Variants in NSUN6 observed in about 807,000 individuals in gnomAD.
NSUN6 encodes tRNA (cytosine(72)-C(5))-methyltransferase NSUN6.
In NSUN6, 64 loss-of-function variants were observed where a neutral mutation model predicts 58.0. That is an observed-to-expected ratio of 1.10 (90% CI 0.90 to 1.36). The LOEUF is 1.36. NSUN6 is among the 40% of genes most tolerant of loss of function. The pLI is 0.00. For synonymous variants in NSUN6, 231 were observed against 193.9 expected, an observed-to-expected ratio of 1.19 and a Z score of -1.59; for missense variants, 701 against 550.1, an observed-to-expected ratio of 1.27 and a Z score of -2.74.
chr10:18,559,850 G>C (rs1041213121), intron 8 of NSUN6, among the ~76,000 whole-genome samples: 13 of 151,006 alleles, frequency 8.6e-5, no homozygotes, highest in African/African-American at 2.7e-4. Flanking sequence ...ATGGGGAATG[G>C]AATGCAGTGG....
intron 6 of NSUN6, among the ~76,000 whole-genome samples, chr10:18,597,378 C>T (rs1240692179): frequency 6.6e-6 from 1 of 152,166 alleles, no homozygotes; most frequent in Non-Finnish European, 1.5e-5. Flanking sequence ...AAGCTGGGTT[C>T]AAATTTGGGA....
rs1331584664 is a variant in NSUN6, at chr10:18,555,018, GGAA to G, written c.923-3050_923-3048del. Among the ~76,000 whole-genome samples the G allele has an allele frequency of 8.4e-5, 8 of 95,312 alleles. No individual in the cohort carries two copies. In the East Asian group the frequency reaches 2.3e-3, roughly 28 times the overall value. 62.5% of individuals were successfully genotyped at this position (95,312 alleles called of 152,430 possible). ...AATGGAGAATAGAATGGAATGCAGT[GGAA>G]TGGAGAGTGGAATGGAGAATGGAAT... On this transcript the variant is annotated intron_variant, in intron 8 of 10. Coordinates refer to ENST00000377304, the MANE Select transcript of NSUN6 (RefSeq NM_182543.5).
chr10:18,585,438 G>A (rs944964288), intron 8 of NSUN6, among the ~76,000 whole-genome samples: 1 of 152,050 alleles, frequency 6.6e-6, no homozygotes, highest in African/African-American at 2.4e-5. Flanking sequence ...AGAAAATGTG[G>A]TACATACACA....
At position 18,563,380 on chromosome 10, in the gene NSUN6, G is replaced by A. The variant is rs556892764; in HGVS notation, c.923-11409C>T. On this transcript the variant is annotated intron_variant, in intron 8 of 10. Coordinates refer to ENST00000377304, the MANE Select transcript of NSUN6 (RefSeq NM_182543.5). ...ACTAGAATGGAGAATGGAATGGAAC[G>A]GAGAATGGTATGGAACTGAGAATGG... Among the ~76,000 whole-genome samples the A allele has an allele frequency of 4.7e-4, 71 of 151,172 alleles. 1 individual carries two copies. In the South Asian group the frequency reaches 0.014, roughly 30 times the overall value.
intron 5 of NSUN6, among the ~76,000 whole-genome samples, chr10:18,610,626 T>A (rs1235463506): frequency 6.6e-6 from 1 of 152,140 alleles, no homozygotes; most frequent in Non-Finnish European, 1.5e-5. Flanking sequence ...TTGTCCCATT[T>A]TAGGAGTGGC....
At chr10:18,632,870 T>C (rs1021150688) in intron 3 of NSUN6, among the ~76,000 whole-genome samples, 4 of 152,288 alleles carry the variant, frequency 2.6e-5, no homozygotes, top group African/African-American at 9.6e-5. Context: ...GATCTAGAAC[T>C]AGAAATACCA....
rs549578677 is a variant in NSUN6 at position 18,585,612 on chromosome 10, T to C, written c.922+337A>G. On this transcript the variant is annotated intron_variant, in intron 8 of 10. Coordinates refer to ENST00000377304, the MANE Select transcript of NSUN6 (RefSeq NM_182543.5). ...AGTGGGGAATCTAAAAAAGTCAAAC[T>C]CATAGAAAGAATAGTGGTTACCAGA... 2.0e-5 allele frequency among the ~76,000 whole-genome samples: 3 copies of C among 152,126 alleles called. No individual in the cohort carries two copies. In the South Asian group the frequency reaches 6.2e-4, roughly 32 times the overall value.
At chr10:18,637,212 CT>C (rs1291053004) in intron 3 of NSUN6, among the ~76,000 whole-genome samples, 1 of 152,106 alleles carries the variant, frequency 6.6e-6, no homozygotes, top group African/African-American at 2.4e-5. Flanking sequence ...ATCCACCCCC[CT>C]GGGCCTCCCA....
At chr10:18,563,736 T>G (rs552136358) in intron 8 of NSUN6, among the ~76,000 whole-genome samples, 8 of 150,270 alleles carry the variant, frequency 5.3e-5, no homozygotes, top group Non-Finnish European at 1.2e-4. Flanking sequence ...CATTCTCCAT[T>G]CCATTCCATT....
intron 3 of NSUN6, among the ~76,000 whole-genome samples, chr10:18,626,177 C>A (rs763101538): frequency 6.6e-6 from 1 of 151,856 alleles, no homozygotes; most frequent in African/African-American, 2.4e-5. Context: ...AAAGCAAACA[C>A]TGCATCCATG....
chr10:18,612,676 C>T (rs1449543652), intron 5 of NSUN6, among the ~76,000 whole-genome samples: 1 of 152,214 alleles, frequency 6.6e-6, no homozygotes. Flanking sequence ...CTTCTGACCA[C>T]GCCTACCAGA....
intron 7 of NSUN6, among the ~76,000 whole-genome samples, chr10:18,594,341 T>C (rs535688403): frequency 1.3e-5 from 2 of 152,372 alleles, no homozygotes; most frequent in East Asian, 1.9e-4. Context: ...ACTGCCCTTG[T>C]ATGCCATATG....
intron 3 of NSUN6, among the ~76,000 whole-genome samples, chr10:18,620,926 G>A (rs2058583393): frequency 6.6e-6 from 1 of 152,162 alleles, no homozygotes; most frequent in African/African-American, 2.4e-5. Context: ...ATAACATGGA[G>A]GGGAAAGGAT....
chr10:18,643,419 A>G (rs569178269), intron 2 of NSUN6, among the ~76,000 whole-genome samples: 1 of 152,206 alleles, frequency 6.6e-6, no homozygotes, highest in African/African-American at 2.4e-5. Flanking sequence ...TACTACATAA[A>G]AGACCAATCA....
chr10:18,550,803 C>A (rs2054552045), intron 9 of NSUN6, among the ~76,000 whole-genome samples: 1 of 151,164 alleles, frequency 6.6e-6, no homozygotes, highest in African/African-American at 2.4e-5. Flanking sequence ...CAGCTCACTG[C>A]AACCTTCGCC....
intron 3 of NSUN6, among the ~76,000 whole-genome samples, chr10:18,616,662 G>A (rs906268215): frequency 2.0e-5 from 3 of 152,110 alleles, no homozygotes; most frequent in Non-Finnish European, 2.9e-5. Context: ...TTTCTAAAGT[G>A]GTAAATTGTT....
At chr10:18,634,315 G>A (rs531533161) in intron 3 of NSUN6, among the ~76,000 whole-genome samples, 8 of 152,196 alleles carry the variant, frequency 5.3e-5, no homozygotes, top group Admixed American at 1.3e-4. Context: ...TAGAAGCAGA[G>A]ATAAGTAATA....
At chr10:18,646,948 T>C (rs890671424) in intron 2 of NSUN6, among the ~76,000 whole-genome samples, 1 of 152,210 alleles carries the variant, frequency 6.6e-6, no homozygotes, top group Non-Finnish European at 1.5e-5. Context: ...ATGATTTTAG[T>C]TGCTTAGGGC....
At chr10:18,548,089 G>C (rs1181653826) in intron 10 of NSUN6, 23 bp downstream of exon 10, 2 of 1,611,336 alleles carry the variant, frequency 1.2e-6, no homozygotes, top group Non-Finnish European at 1.7e-6. Context: ...TTATTACACA[G>C]AGAAAAATGA....
Sources: allele counts gnomAD v4.1 joint callset (sites outside exome capture counted in the v4.1 genomes callset), GRCh38; gene constraint gnomAD v4.1.1; transcripts MANE v1.5; gene names NCBI Gene and HGNC (gene_info 2026-07-23, HGNC 2026-07-21).